The following KIAA0825 variants were observed in gnomAD, a reference collection of about 807,000 sequenced individuals.
The protein encoded by KIAA0825 is KIAA0825.
A neutral mutation model predicts 147.6 loss-of-function variants in KIAA0825; 119 were observed. The observed-to-expected ratio is 0.81, with a 90% CI of 0.69 to 0.94. KIAA0825 has a LOEUF of 0.94. Ranked by LOEUF, KIAA0825 falls within the 40% of genes least tolerant of loss-of-function variation. KIAA0825 has a pLI of 0.00. For missense variants in KIAA0825, 1,381 were observed against 1,472.7 expected, an observed-to-expected ratio of 0.94 and a Z score of 1.02; for synonymous variants, 470 against 518.1, an observed-to-expected ratio of 0.91 and a Z score of 1.26.
intron 20 of KIAA0825, among the ~76,000 whole-genome samples, chr5:94,281,761 G>C (rs1777477334): frequency 6.6e-6 from 1 of 152,062 alleles, no homozygotes; most frequent in Non-Finnish European, 1.5e-5. Flanking sequence ...AATAGGCCCT[G>C]ATTGAGAACC....
intron 20 of KIAA0825, among the ~76,000 whole-genome samples, chr5:94,219,585 C>T (rs1028383085): frequency 6.6e-6 from 1 of 151,938 alleles, no homozygotes; most frequent in Non-Finnish European, 1.5e-5. Context: ...ATAGAGTGGA[C>T]CTACACAAAC....
intron 13 of KIAA0825, 89 bp downstream of exon 13, chr5:94,452,870 A>G (rs1399719907): frequency 7.9e-6 from 5 of 635,874 alleles, no homozygotes; most frequent in African/African-American, 1.9e-5. Context: ...GTAAGATATA[A>G]GTTCGTTTAC....
At chr5:94,316,287 AAATAT>A (rs1031891987) in intron 20 of KIAA0825, among the ~76,000 whole-genome samples, 35 of 151,786 alleles carry the variant, frequency 2.3e-4, no homozygotes, top group African/African-American at 7.7e-4. Flanking sequence ...GGCCTAAATA[AAATAT>A]GAGTATTAAA....
rs142390516 is a variant in KIAA0825, at chr5:94,210,531, G to A, written c.3711-56407C>T. On this transcript the variant is annotated intron_variant, in intron 20 of 20. Coordinates refer to ENST00000682413, the MANE Select transcript of KIAA0825 (RefSeq NM_001145678.3). The stretch of plus-strand genomic sequence containing the variant: ...TTGAAAATTATATTCTTAGGAAACC[G>A]GCTCTGCAAGCTATATTTGCAGAAT... Among the ~76,000 whole-genome samples the A allele has an allele frequency of 2.3e-4, 35 of 152,172 alleles. 1 individual carries two copies. The highest frequency in any genetic ancestry group is 1.7e-3 in the East Asian group (9 of 5,168).
chr5:94,248,803 A>G (rs931917634), intron 20 of KIAA0825, among the ~76,000 whole-genome samples: 1 of 152,128 alleles, frequency 6.6e-6, no homozygotes, highest in Non-Finnish European at 1.5e-5. Flanking sequence ...CTCTCTGTTA[A>G]GTAATCCTGC....
At chr5:94,518,079 T>C (rs1003001956) in intron 5 of KIAA0825, among the ~76,000 whole-genome samples, 1 of 152,194 alleles carries the variant, frequency 6.6e-6, no homozygotes, top group African/African-American at 2.4e-5. Flanking sequence ...TACTTAAGGA[T>C]TGTCCTTTCT....
At chr5:94,307,223 AT>A (rs912344548) in intron 20 of KIAA0825, among the ~76,000 whole-genome samples, 2 of 151,780 alleles carry the variant, frequency 1.3e-5, no homozygotes, top group Admixed American at 1.3e-4. Flanking sequence ...AGGAAAGAGA[AT>A]TATAAAAAGA....
At chr5:94,257,919 A>G (rs1192669338) in intron 20 of KIAA0825, among the ~76,000 whole-genome samples, 2 of 152,100 alleles carry the variant, frequency 1.3e-5, no homozygotes, top group African/African-American at 4.8e-5. Context: ...TGCAACATAG[A>G]ATTTAAGGAG....
At chr5:94,187,360 A>G (rs76818100) in intron 20 of KIAA0825, among the ~76,000 whole-genome samples, 1 of 138,096 alleles carries the variant, frequency 7.2e-6, no homozygotes, top group Non-Finnish European at 1.5e-5. Flanking sequence ...GGAGGGAAGG[A>G]AAAAAAAAAA....
At chr5:94,278,511 A>G (rs946666289) in intron 20 of KIAA0825, among the ~76,000 whole-genome samples, 1 of 151,828 alleles carries the variant, frequency 6.6e-6, no homozygotes, top group Non-Finnish European at 1.5e-5. Flanking sequence ...GATAGTATCT[A>G]TGTGTTTTGT....
intron 14 of KIAA0825, among the ~76,000 whole-genome samples, chr5:94,423,402 T>C (rs1486331584): frequency 6.6e-6 from 1 of 152,178 alleles, no homozygotes; most frequent in East Asian, 1.9e-4. Flanking sequence ...TTGCATGCAT[T>C]ATTTTAAACT....
At chr5:94,516,551 C>G (rs1022542211) in intron 5 of KIAA0825, among the ~76,000 whole-genome samples, 6 of 152,068 alleles carry the variant, frequency 3.9e-5, no homozygotes, top group Non-Finnish European at 7.4e-5. Flanking sequence ...CGCCTGTAAT[C>G]CCAGCACTTT....
At chr5:94,508,251 T>C (rs1241344174) in intron 5 of KIAA0825, among the ~76,000 whole-genome samples, 1 of 152,128 alleles carries the variant, frequency 6.6e-6, no homozygotes, top group Non-Finnish European at 1.5e-5. Flanking sequence ...TAATACACAA[T>C]ATTGCACAAA....
chr5:94,617,630 T>C lies in KIAA0825; in HGVS notation c.-153+870A>G, dbSNP rs144479158. On this transcript the variant is annotated intron_variant, in intron 1 of 20. Transcript: ENST00000682413. ...TTACGGGGGTTGGTGGGGAGGTAAT[T>C]ATCTAAATATAAGGTGGCAAGTGAA... 5.3e-3 allele frequency among the ~76,000 whole-genome samples: 810 copies of C among 152,266 alleles called. 10 individuals carry two copies. Among genetic ancestry groups the C allele is most frequent in the African/African-American group, 0.019 (770 of 41,548 alleles).
At position 94,524,024 on chromosome 5, in the gene KIAA0825, G is replaced by C. The variant is rs747410892; in HGVS notation, c.206C>G (p.Thr69Ser). 2.5e-6 allele frequency: 4 copies of C among 1,609,836 alleles called. No homozygotes were observed. The Admixed American group carries it at 5.0e-5, about 20-fold the overall frequency. The change falls in exon 4 of 21, where the codon ACT becomes AGT. Residue 69 changes from threonine to serine, a missense_variant. Thr to Ser is a moderately conservative substitution (Grantham distance 58). Transcript: ENST00000682413. Reference sequence around the variant, plus strand: ...GTTAGTTAGCCATTCAAAGCAGTCAGTTGTTGTTTGCAGCTGCACACCTGG... The same window carrying C: ...GTTAGTTAGCCATTCAAAGCAGTCACTTGTTGTTTGCAGCTGCACACCTGG... Reference protein sequence around the residue: ...QCPGVQLQTTTDCFEWLTNYN... With the variant: ...QCPGVQLQTTSDCFEWLTNYN...
intron 13 of KIAA0825, among the ~76,000 whole-genome samples, chr5:94,447,344 T>G (rs181285755): frequency 6.6e-6 from 1 of 152,156 alleles, no homozygotes; most frequent in East Asian, 1.9e-4. Flanking sequence ...GTTCAATATT[T>G]AATTGCCAGG....
intron 1 of KIAA0825, among the ~76,000 whole-genome samples, chr5:94,610,764 C>CAAAAAAAAA (rs756579848): frequency 4.8e-5 from 1 of 20,836 alleles, no homozygotes; most frequent in Admixed American, 5.8e-4. Flanking sequence ...ACTCTATCTG[C>CAAAAAAAAA]AAAAAAAAAA....
intron 1 of KIAA0825, among the ~76,000 whole-genome samples, chr5:94,597,424 C>T (rs1785505757): frequency 6.6e-6 from 1 of 151,852 alleles, no homozygotes; most frequent in Admixed American, 6.6e-5. Context: ...ATAACCAATG[C>T]ACCAAAAAAA....
At chr5:94,367,509 T>C (rs1307331610) in intron 20 of KIAA0825, among the ~76,000 whole-genome samples, 6 of 150,842 alleles carry the variant, frequency 4.0e-5, no homozygotes, top group African/African-American at 1.2e-4. Context: ...AAAAAAAAAA[T>C]AGAAATAGGG....
Sources: allele counts gnomAD v4.1 joint callset (sites outside exome capture counted in the v4.1 genomes callset), GRCh38; gene constraint gnomAD v4.1.1; transcripts MANE v1.5; gene names NCBI Gene and HGNC (gene_info 2026-07-23, HGNC 2026-07-21).